Variants in R3HCC1L observed in about 807,000 individuals in gnomAD.
R3HCC1L encodes the protein coiled-coil domain-containing protein R3HCC1L.
A neutral mutation model predicts 59.9 loss-of-function variants in R3HCC1L; 51 were observed. The observed-to-expected ratio is 0.85, with a 90% CI of 0.68 to 1.07. The LOEUF (loss-of-function observed/expected upper bound fraction) is 1.07. Among genes scored for constraint, R3HCC1L ranks in the 50% least tolerant of loss-of-function variants. The probability of loss-of-function intolerance (pLI) is 0.00; values close to 1 mark genes in which losing one functional copy is unlikely to be tolerated. For missense variants in R3HCC1L, 965 were observed against 933.0 expected (o/e 1.03, Z -0.45); for synonymous variants, 322 against 315.2 (o/e 1.02, Z -0.23).
chr10:98,192,209 G>GA (rs1037419038), intron 4 of R3HCC1L, among the ~76,000 whole-genome samples: 1 of 151,744 alleles, frequency 6.6e-6, no homozygotes, highest in African/African-American at 2.4e-5. Flanking sequence ...TGGAATGCAG[G>GA]AAAAAAATTG....
At chr10:98,161,432 T>G (rs978537311) in intron 2 of R3HCC1L, among the ~76,000 whole-genome samples, 7 of 152,172 alleles carry the variant, frequency 4.6e-5, no homozygotes, top group African/African-American at 7.2e-5. Flanking sequence ...TTACTGGTGA[T>G]GTATGTTACA....
chr10:98,235,923 T>G, intron 8 of R3HCC1L, 101 bp from the exon 9 acceptor site: 1 of 1,309,274 alleles, frequency 7.6e-7, no homozygotes, highest in Non-Finnish European at 1.1e-6. Context: ...ATGCAGCCCT[T>G]GTTAGTCTAT....
Position 98,236,020 on chromosome 10 carries a change from T to C in R3HCC1L, c.2129-4T>C, listed in dbSNP as rs538639179. ...TTCCTACTCCCTTCCTTTCTTCGAT[T>C]CAGAGTTCCTCCAGCCAGCAAAGGA... On this transcript the variant is annotated splice_region_variant and splice_polypyrimidine_tract_variant and intron_variant, in intron 8 of 9. Coordinates refer to ENST00000298999, the MANE Select transcript of R3HCC1L (RefSeq NM_001351015.2). 137 of 1,612,642 alleles carry C rather than the reference T, an allele frequency of 8.5e-5. 4 individuals are homozygous for C. In the South Asian group the frequency reaches 1.4e-3, roughly 16 times the overall value.
rs12254268 is a variant in R3HCC1L at position 98,139,491 on chromosome 10, C to A, written c.-268+4785C>A. On this transcript the variant is annotated intron_variant, in intron 1 of 9. Transcript: ENST00000298999. ...GGCTATTCATGCCTTGAAAGAGTAC[C>A]CTCCTTCTGTTGTGCTACCCACGAG... Among the ~76,000 whole-genome samples, 982 of 152,248 alleles carry A rather than the reference C, an allele frequency of 6.5e-3. 17 individuals are homozygous for A. The highest frequency in any genetic ancestry group is 0.023 in the African/African-American group (941 of 41,542).
intron 4 of R3HCC1L, among the ~76,000 whole-genome samples, chr10:98,172,631 A>G (rs1035429670): frequency 6.6e-6 from 1 of 152,162 alleles, no homozygotes; most frequent in African/African-American, 2.4e-5. Context: ...CATCAGTAGG[A>G]TGAAATGAGA....
intron 5 of R3HCC1L, among the ~76,000 whole-genome samples, chr10:98,226,835 A>G (rs1003513781): frequency 2.0e-5 from 3 of 152,240 alleles, no homozygotes; most frequent in Admixed American, 1.3e-4. Flanking sequence ...CTTCTTGCCC[A>G]CTTATGTGGT....
At position 98,151,485 on chromosome 10, in the gene R3HCC1L, C is replaced by T. The variant is rs117624369; in HGVS notation, c.-267-4608C>T. On this transcript the variant is annotated intron_variant, in intron 1 of 9. Transcript: ENST00000298999. ...AATATTAGCTATTTATTACCACCAC[C>T]GCAACTACTATTATTGTTTCTACCA... Among the ~76,000 whole-genome samples the T allele has an allele frequency of 4.1e-4, 62 of 152,248 alleles. No homozygotes were observed. The East Asian group carries it at 6.0e-3, about 15-fold the overall frequency.
chr10:98,193,746 T>G (rs567209807), intron 4 of R3HCC1L, among the ~76,000 whole-genome samples: 3 of 152,176 alleles, frequency 2.0e-5, no homozygotes, highest in African/African-American at 7.2e-5. Context: ...GTATGACCTT[T>G]GAGCACTGTC....
chr10:98,202,576 G>A (rs562534573), intron 4 of R3HCC1L, among the ~76,000 whole-genome samples: 43 of 152,216 alleles, frequency 2.8e-4, no homozygotes, highest in African/African-American at 1.0e-3. Context: ...AGTGGGGGCC[G>A]GGCGCGGTGG....
intron 5 of R3HCC1L, chr10:98,211,217 C>A: frequency 3.8e-6 from 3 of 784,770 alleles, no homozygotes; most frequent in South Asian, 3.3e-5. Flanking sequence ...AAAGTATGGT[C>A]CCTAGACCAG....
intron 4 of R3HCC1L, among the ~76,000 whole-genome samples, chr10:98,194,442 CAT>C (rs1228034270): frequency 1.3e-5 from 2 of 152,072 alleles, no homozygotes; most frequent in East Asian, 3.9e-4. Flanking sequence ...ACAGCAAAAA[CAT>C]GTACATCCAA....
At chr10:98,162,395 A>G (rs940768508) in intron 2 of R3HCC1L, among the ~76,000 whole-genome samples, 4 of 152,218 alleles carry the variant, frequency 2.6e-5, no homozygotes, top group Non-Finnish European at 4.4e-5. Flanking sequence ...TATTAATAAA[A>G]TGTATACCTC....
chr10:98,180,142 T>G (rs1222862263), intron 4 of R3HCC1L, among the ~76,000 whole-genome samples: 2 of 152,200 alleles, frequency 1.3e-5, no homozygotes, highest in Non-Finnish European at 2.9e-5. Context: ...CTTTTACTTG[T>G]TATGTTAGGG....
intron 4 of R3HCC1L, among the ~76,000 whole-genome samples, chr10:98,181,657 C>T (rs1256163755): frequency 6.6e-6 from 1 of 152,302 alleles, no homozygotes; most frequent in East Asian, 1.9e-4. Flanking sequence ...GTATACCACT[C>T]AAACGTAGAT....
chr10:98,143,801 G>A (rs933096638), intron 1 of R3HCC1L, among the ~76,000 whole-genome samples: 1 of 152,092 alleles, frequency 6.6e-6, no homozygotes, highest in African/African-American at 2.4e-5. Context: ...CCAGGGTCTA[G>A]GGCATTACTT....
intron 1 of R3HCC1L, among the ~76,000 whole-genome samples, chr10:98,153,581 C>G (rs1846499609): frequency 6.8e-6 from 1 of 147,104 alleles, no homozygotes; most frequent in Non-Finnish European, 1.5e-5. Context: ...AAATCCCCCT[C>G]TGCGAGAAAC....
At chr10:98,136,072 C>G (rs972953728) in intron 1 of R3HCC1L, among the ~76,000 whole-genome samples, 3 of 143,732 alleles carry the variant, frequency 2.1e-5, no homozygotes, top group Non-Finnish European at 4.5e-5. Context: ...CCAGATTGGT[C>G]TAACTCCTGG....
intron 4 of R3HCC1L, among the ~76,000 whole-genome samples, chr10:98,199,154 A>G (rs1851770456): frequency 6.6e-6 from 1 of 152,088 alleles, no homozygotes; most frequent in African/African-American, 2.4e-5. Flanking sequence ...CTTGTGACTA[A>G]TTGGACAGTA....
At chr10:98,217,126 G>A (rs1394019970) in intron 5 of R3HCC1L, among the ~76,000 whole-genome samples, 1 of 152,140 alleles carries the variant, frequency 6.6e-6, no homozygotes, top group Non-Finnish European at 1.5e-5. Context: ...GTTTGCTAGG[G>A]CTGTCATACA....
Sources: gnomAD v4.1 joint callset for allele counts (sites outside exome capture counted in the v4.1 genomes callset) on GRCh38, gnomAD v4.1.1 for gene constraint, MANE v1.5 for transcripts, NCBI Gene and HGNC (gene_info 2026-07-23, HGNC 2026-07-21) for gene names.